UIMC1: variants seen among roughly 807,000 people sequenced by gnomAD.
UIMC1 encodes the protein BRCA1-A complex subunit RAP80.
UIMC1 carries 42 observed loss-of-function variants against 84.9 expected under a neutral mutation model. The observed-to-expected ratio is 0.49, with a 90% CI of 0.39 to 0.64. The LOEUF (loss-of-function observed/expected upper bound fraction) is 0.64. Ranked by LOEUF, UIMC1 falls within the 30% of genes least tolerant of loss-of-function variation. The pLI is 0.00. For missense variants in UIMC1, 825 were observed against 847.6 expected, an observed-to-expected ratio of 0.97 and a Z score of 0.33; for synonymous variants, 281 against 293.0, an observed-to-expected ratio of 0.96 and a Z score of 0.42.
intron 9 of UIMC1, among the ~76,000 whole-genome samples, chr5:176,945,410 T>C (rs1203214342): frequency 3.3e-5 from 5 of 152,146 alleles, no homozygotes; most frequent in Non-Finnish European, 7.4e-5. Flanking sequence ...ACTATTGCTA[T>C]GGAATTAAAG....
At chr5:176,914,507 A>G (rs1336562440) in intron 10 of UIMC1, among the ~76,000 whole-genome samples, 2 of 152,222 alleles carry the variant, frequency 1.3e-5, no homozygotes, top group Admixed American at 1.3e-4. Context: ...ATTATGAGGC[A>G]CTGTCCTTGC....
chr5:177,013,133 T>C (rs976952712), intron 1 of UIMC1, among the ~76,000 whole-genome samples: 2 of 151,216 alleles, frequency 1.3e-5, no homozygotes, highest in Middle Eastern at 3.2e-3. Flanking sequence ...TCTTAGCACT[T>C]TGGGAGGCTG....
At chr5:176,930,915 T>C (rs375557955) in intron 10 of UIMC1, among the ~76,000 whole-genome samples, 4 of 152,362 alleles carry the variant, frequency 2.6e-5, no homozygotes, top group Admixed American at 2.0e-4. Flanking sequence ...GAGATGAGAA[T>C]TCATGTTTGC....
chr5:176,943,278 G>A, intron 10 of UIMC1, 57 bp downstream of exon 10: 1 of 1,590,082 alleles, frequency 6.3e-7, no homozygotes. Context: ...TAATGTATAG[G>A]ATTATAAAAC....
chr5:177,008,120 AG>A (rs1775452221), upstream of UIMC1, among the ~76,000 whole-genome samples: 1 of 149,372 alleles, frequency 6.7e-6, no homozygotes. Context: ...AAAAAAAAAG[AG>A]AGAGAGAGAC....
chr5:177,021,203 G>A (rs952300587), intron 1 of UIMC1, among the ~76,000 whole-genome samples: 14 of 152,084 alleles, frequency 9.2e-5, no homozygotes, highest in East Asian at 3.9e-4. Flanking sequence ...GCTTGAACCC[G>A]GGAGACGGAA....
intron 10 of UIMC1, among the ~76,000 whole-genome samples, chr5:176,941,466 T>C (rs966280094): frequency 1.3e-5 from 2 of 152,158 alleles, no homozygotes; most frequent in Non-Finnish European, 2.9e-5. Flanking sequence ...ATCAGAAAAA[T>C]CAACAAATTT....
chr5:176,978,298 A>G (rs539072589), intron 2 of UIMC1, among the ~76,000 whole-genome samples: 1,627 of 152,018 alleles, frequency 0.011, 9 homozygotes, highest in South Asian at 0.025. Context: ...GTGTAAACCC[A>G]GGAGGCGGAG....
chr5:176,905,767 T>C (rs982322148), intron 14 of UIMC1: 39 of 624,352 alleles, frequency 6.2e-5, no homozygotes, highest in East Asian at 1.9e-4. Context: ...TGGATGGGGA[T>C]AGAGAGGTAC....
chr5:176,942,175 C>G (rs999544803), intron 10 of UIMC1, among the ~76,000 whole-genome samples: 3 of 152,096 alleles, frequency 2.0e-5, no homozygotes, highest in Admixed American at 2.0e-4. Context: ...CCAACAGCTC[C>G]TCGGTAACTC....
intron 1 of UIMC1, among the ~76,000 whole-genome samples, chr5:177,004,210 C>CT (rs904637596): frequency 6.6e-6 from 1 of 152,110 alleles, no homozygotes; most frequent in African/African-American, 2.4e-5. Context: ...AAAAACCCAG[C>CT]ATAGAACCAC....
intron 1 of UIMC1, among the ~76,000 whole-genome samples, chr5:176,983,226 CCT>C (rs1213902817): frequency 6.6e-6 from 1 of 151,830 alleles, no homozygotes; most frequent in African/African-American, 2.4e-5. Flanking sequence ...AAAATATAGC[CCT>C]CTCCCTCTCC....
At chr5:176,907,393 A>G (rs1446297705) in intron 12 of UIMC1, 1 of 468,754 alleles carries the variant, frequency 2.1e-6, no homozygotes, top group African/African-American at 2.0e-5. Context: ...TCATGGATTT[A>G]AAATAGAAAA....
Position 176,907,183 on chromosome 5 carries a change from A to G in UIMC1, c.1849-6T>C, listed in dbSNP as rs374274398. 73 of 1,611,820 alleles carry G rather than the reference A, an allele frequency of 4.5e-5. No individual in the cohort carries two copies. The highest frequency in any genetic ancestry group is 5.9e-5 in the Non-Finnish European group (70 of 1,178,828). ...CCTTCACTGTGGCCTTTTTCCTGTA[A>G]CAGAGAAAAACAGATGAAAAGGTTA... On this transcript the variant is annotated splice_region_variant and splice_polypyrimidine_tract_variant and intron_variant, in intron 12 of 14. Coordinates refer to ENST00000511320, the MANE Select transcript of UIMC1 (RefSeq NM_001199298.2).
At chr5:176,977,639 G>A (rs1770333958) in intron 2 of UIMC1, among the ~76,000 whole-genome samples, 1 of 149,858 alleles carries the variant, frequency 6.7e-6, no homozygotes, top group Admixed American at 6.7e-5. Context: ...GCCAGGCGCA[G>A]TGGCTCACAC....
chr5:177,014,990 T>C (rs1775642421), intron 1 of UIMC1, among the ~76,000 whole-genome samples: 1 of 152,170 alleles, frequency 6.6e-6, no homozygotes, highest in Admixed American at 6.6e-5. Context: ...CCCAGCACTT[T>C]GGGAGGCCAA....
chr5:176,939,365 G>A (rs1382352366), intron 10 of UIMC1, among the ~76,000 whole-genome samples: 1 of 152,082 alleles, frequency 6.6e-6, no homozygotes, highest in Non-Finnish European at 1.5e-5. Context: ...CTGGCTCTAG[G>A]TAGACACATT....
At chr5:176,927,317 A>C (rs1448663315) in intron 10 of UIMC1, among the ~76,000 whole-genome samples, 1 of 151,714 alleles carries the variant, frequency 6.6e-6, no homozygotes, top group African/African-American at 2.4e-5. Context: ...GCAATGAGGC[A>C]ATCTTAGCTC....
intron 8 of UIMC1, among the ~76,000 whole-genome samples, chr5:176,953,328 C>A (rs951020450): frequency 2.6e-5 from 4 of 152,138 alleles, no homozygotes; most frequent in African/African-American, 9.7e-5. Context: ...ACCTGCTGTA[C>A]CTCTAATTAG....
Sources: allele counts gnomAD v4.1 joint callset (sites outside exome capture counted in the v4.1 genomes callset), GRCh38; gene constraint gnomAD v4.1.1; transcripts MANE v1.5; gene names NCBI Gene and HGNC (gene_info 2026-07-23, HGNC 2026-07-21).